ACSM2B: variants seen among roughly 807,000 people sequenced by gnomAD.
ACSM2B encodes acyl-CoA synthetase medium chain family member 2B, also known as acyl-coenzyme A synthetase ACSM2B, mitochondrial.
In ACSM2B, 58 loss-of-function variants were observed where a neutral mutation model predicts 78.6. The ratio of observed to expected loss-of-function variants is 0.74; its 90% CI spans 0.60 to 0.92. ACSM2B has a LOEUF of 0.92. Among genes scored for constraint, ACSM2B ranks in the 40% least tolerant of loss-of-function variants. The pLI is 0.00. For synonymous variants in ACSM2B, 257 were observed against 256.8 expected (o/e 1.00, Z -0.01); for missense variants, 688 against 711.2 (o/e 0.97, Z 0.37).
intron 4 of ACSM2B, 29 bp from the exon 5 acceptor site, chr16:20,553,949 C>T: frequency 6.2e-7 from 1 of 1,612,134 alleles, no homozygotes; most frequent in East Asian, 2.2e-5. Context: ...GTCATTTTCT[C>T]AGATCTAGCC....
intron 1 of ACSM2B, among the ~76,000 whole-genome samples, chr16:20,565,778 C>T (rs1334647176): frequency 6.6e-6 from 1 of 152,068 alleles, no homozygotes; most frequent in Non-Finnish European, 1.5e-5. Context: ...TAACAGTACA[C>T]ACTTAACCCA....
At chr16:20,565,192 G>A (rs969855655) in intron 1 of ACSM2B, among the ~76,000 whole-genome samples, 7 of 152,068 alleles carry the variant, frequency 4.6e-5, no homozygotes, top group African/African-American at 7.2e-5. Context: ...CTCCCTTTCC[G>A]TTCTAGGATT....
At chr16:20,548,768 A>T (rs2015219280) in intron 6 of ACSM2B, among the ~76,000 whole-genome samples, 1 of 152,134 alleles carries the variant, frequency 6.6e-6, no homozygotes, top group Non-Finnish European at 1.5e-5. Flanking sequence ...TGCCCTCATT[A>T]ACACACCCCT....
intron 1 of ACSM2B, among the ~76,000 whole-genome samples, chr16:20,567,430 A>T (rs2015942153): frequency 8.4e-6 from 1 of 119,190 alleles, no homozygotes; most frequent in Non-Finnish European, 1.6e-5. Flanking sequence ...ATAGTATATT[A>T]ATATATAATA....
At chr16:20,564,181 A>C (rs1365363123) in intron 2 of ACSM2B, among the ~76,000 whole-genome samples, 2 of 151,958 alleles carry the variant, frequency 1.3e-5, no homozygotes, top group Non-Finnish European at 2.9e-5. Context: ...GCAGCCTCCA[A>C]CTCCTGGGCT....
At chr16:20,567,682 C>T (rs2015966943) in intron 1 of ACSM2B, among the ~76,000 whole-genome samples, 1 of 135,824 alleles carries the variant, frequency 7.4e-6, no homozygotes, top group South Asian at 2.1e-4. Context: ...TTATATATAT[C>T]TAGACCTAAG....
Position 20,536,974 on chromosome 16 carries a change from T to G in ACSM2B, c.*284A>C. ...CTTCCTCTCGCCTTCCCTCCCTACT[T>G]TATTTCTTTTTCAATTGCTTTCTCT... On this transcript the variant is annotated 3_prime_UTR_variant, in exon 14 of 14. Coordinates refer to ENST00000329697, the MANE Select transcript of ACSM2B (RefSeq NM_001105069.2). The G allele has an allele frequency of 3.6e-6, 1 of 278,582 alleles. No homozygotes were observed. The highest frequency in any genetic ancestry group is 6.6e-6 in the Non-Finnish European group (1 of 150,494). 17.3% of individuals were successfully genotyped at this position (278,582 alleles called of 1,614,324 possible).
intron 6 of ACSM2B, chr16:20,549,623 A>T (rs1439661085): frequency 3.6e-5 from 10 of 279,004 alleles, no homozygotes; most frequent in Non-Finnish European, 5.6e-5. Flanking sequence ...ATATTTGAAG[A>T]GATTTATTCT....
At chr16:20,545,296 G>C (rs1473605125) in intron 9 of ACSM2B, 38 bp from the exon 10 acceptor site, 1 of 1,592,168 alleles carries the variant, frequency 6.3e-7, no homozygotes, top group Non-Finnish European at 8.6e-7. Flanking sequence ...GACGCACACA[G>C]CAGGAGATGG....
intron 3 of ACSM2B, among the ~76,000 whole-genome samples, chr16:20,557,064 TGGAAAC>T (rs1766458908): frequency 6.6e-6 from 1 of 151,934 alleles, no homozygotes; most frequent in Admixed American, 6.6e-5. Flanking sequence ...CAAGCAGAGG[TGGAAAC>T]GGCAGTTTGT....
intron 1 of ACSM2B, among the ~76,000 whole-genome samples, chr16:20,567,056 T>C (rs1046788641): frequency 7.4e-6 from 1 of 134,778 alleles, no homozygotes; most frequent in East Asian, 2.0e-4. Context: ...GAACAAGACA[T>C]GAATGCTCAC....
chr16:20,567,839 TATATA>T (rs1017616937), intron 1 of ACSM2B, among the ~76,000 whole-genome samples: 4 of 142,270 alleles, frequency 2.8e-5, no homozygotes, highest in African/African-American at 1.0e-4. Flanking sequence ...ACTATACTAT[TATATA>T]ATATATTTTA....
intron 9 of ACSM2B, 99 bp from the exon 10 acceptor site, chr16:20,545,357 G>C (rs982325723): frequency 4.3e-6 from 6 of 1,396,416 alleles, no homozygotes; most frequent in Non-Finnish European, 5.8e-6. Context: ...AGACTCTCTT[G>C]CTCTAGTGGA....
At chr16:20,546,273 C>T (rs2015139226) in intron 9 of ACSM2B, 121 bp downstream of exon 9, 30 of 1,439,530 alleles carry the variant, frequency 2.1e-5, no homozygotes, top group Admixed American at 1.7e-4. Context: ...TCCCTTTTTT[C>T]TGATATTATC....
At chr16:20,555,085 C>A (rs2015427984) in intron 4 of ACSM2B, among the ~76,000 whole-genome samples, 184 bp downstream of exon 4, 1 of 150,880 alleles carries the variant, frequency 6.6e-6, no homozygotes, top group Non-Finnish European at 1.5e-5. Context: ...GATCAAGCCC[C>A]ACTTAGTCCT....
chr16:20,575,901 C>T (rs1408602452), intron 1 of ACSM2B: 3 of 151,618 alleles, frequency 2.0e-5, no homozygotes, highest in Non-Finnish European at 4.4e-5. Context: ...ATAATAAGCT[C>T]TTCTTCATTC....
chr16:20,567,674 A>G (rs1369913096), intron 1 of ACSM2B, among the ~76,000 whole-genome samples: 2 of 138,086 alleles, frequency 1.4e-5, no homozygotes, highest in Non-Finnish European at 3.1e-5. Context: ...CTATACTATT[A>G]TATATATCTA....
At chr16:20,549,078 T>C (rs920107090) in intron 6 of ACSM2B, among the ~76,000 whole-genome samples, 1 of 152,146 alleles carries the variant, frequency 6.6e-6, no homozygotes, top group Non-Finnish European at 1.5e-5. Flanking sequence ...ATCATCCTCA[T>C]GATACAGAGG....
chr16:20,543,503 G>A (rs1488822863), intron 10 of ACSM2B, among the ~76,000 whole-genome samples: 9 of 152,144 alleles, frequency 5.9e-5, no homozygotes, highest in South Asian at 4.2e-4. Context: ...CCAGTCTGAT[G>A]GATATTATTG....
Sources: gnomAD v4.1 joint callset for allele counts (sites outside exome capture counted in the v4.1 genomes callset) on GRCh38, gnomAD v4.1.1 for gene constraint, MANE v1.5 for transcripts, NCBI Gene and HGNC (gene_info 2026-07-23, HGNC 2026-07-21) for gene names.